CADM1: variants seen among roughly 807,000 people sequenced by gnomAD.
CADM1 encodes the protein cell adhesion molecule 1.
CADM1 carries 15 observed loss-of-function variants against 53.1 expected under a neutral mutation model. The ratio of observed to expected loss-of-function variants is 0.28; its 90% CI spans 0.19 to 0.44. The LOEUF is 0.44. CADM1 is among the 20% of genes least tolerant of loss of function. The pLI is 1.00. For missense variants in CADM1, 434 were observed against 611.3 expected (o/e 0.71, Z 3.06); for synonymous variants, 281 against 243.0 (o/e 1.16, Z -1.45).
intron 1 of CADM1, among the ~76,000 whole-genome samples, chr11:115,250,338 CT>C (rs1319764439): frequency 1.3e-5 from 2 of 152,120 alleles, no homozygotes; most frequent in Non-Finnish European, 2.9e-5. Context: ...ATATGATTTT[CT>C]CTTTGTTAAG....
At chr11:115,205,722 A>G (rs1245131527) in intron 8 of CADM1, among the ~76,000 whole-genome samples, 1 of 152,226 alleles carries the variant, frequency 6.6e-6, no homozygotes, top group Non-Finnish European at 1.5e-5. Context: ...TTGAAACAGA[A>G]ATATATGGTC....
chr11:115,202,689 A>G (rs1277604595), intron 8 of CADM1, among the ~76,000 whole-genome samples: 1 of 152,204 alleles, frequency 6.6e-6, no homozygotes, highest in Admixed American at 6.5e-5. Context: ...TTTCTTAACT[A>G]AAGTCAATAA....
At chr11:115,285,835 A>G (rs973962558) in intron 1 of CADM1, among the ~76,000 whole-genome samples, 48 of 152,154 alleles carry the variant, frequency 3.2e-4, no homozygotes, top group Non-Finnish European at 5.9e-5. Context: ...GCAGAGCTTG[A>G]ATCTTAGCAT....
chr11:115,173,827 G>A lies in CADM1; in HGVS notation c.*2647C>T, dbSNP rs757039769. The stretch of plus-strand genomic sequence containing the variant: ...ACTGGCCTAAAGGGAAAAATAAGAC[G>A]TCGGTGTGACTAAAGAACAAGCTTA... On this transcript the variant is annotated 3_prime_UTR_variant, in exon 12 of 12. Coordinates refer to ENST00000331581, the MANE Select transcript of CADM1 (RefSeq NM_001301043.2). The A allele has an allele frequency of 2.4e-4, 236 of 982,964 alleles. No individual in the cohort carries two copies. The highest frequency in any genetic ancestry group is 2.7e-4 in the Non-Finnish European group (225 of 828,070). The allele number at this position is 982,964 out of a possible 1,614,324, so 60.9% of individuals were successfully genotyped here.
intron 1 of CADM1, among the ~76,000 whole-genome samples, chr11:115,449,233 T>A (rs1163706174): frequency 1.3e-5 from 2 of 152,274 alleles, no homozygotes; most frequent in Middle Eastern, 3.4e-3. Flanking sequence ...GCGGTTTATA[T>A]CCCATGCCTT....
chr11:115,438,348 C>T (rs1206521909), intron 1 of CADM1, among the ~76,000 whole-genome samples: 1 of 151,882 alleles, frequency 6.6e-6, no homozygotes, highest in Non-Finnish European at 1.5e-5. Context: ...TTTCAGTAGC[C>T]TGGTGGCAGC....
intron 1 of CADM1, among the ~76,000 whole-genome samples, chr11:115,313,396 A>G (rs1034754780): frequency 2.6e-5 from 4 of 152,324 alleles, no homozygotes; most frequent in Admixed American, 2.6e-4. Flanking sequence ...AGTCCTTGAC[A>G]TTAACCAGAA....
intron 1 of CADM1, among the ~76,000 whole-genome samples, chr11:115,350,501 CT>C (rs1277289870): frequency 8.0e-5 from 10 of 124,724 alleles, no homozygotes; most frequent in East Asian, 4.1e-4. Context: ...TATGACCATT[CT>C]TTTTTTCTTT....
At chr11:115,311,075 T>G (rs1944520161) in intron 1 of CADM1, among the ~76,000 whole-genome samples, 1 of 152,174 alleles carries the variant, frequency 6.6e-6, no homozygotes, top group South Asian at 2.1e-4. Flanking sequence ...GAGAGAAAGA[T>G]TATCTTATTA....
chr11:115,195,453 G>A (rs560427945), intron 9 of CADM1, among the ~76,000 whole-genome samples: 2 of 152,170 alleles, frequency 1.3e-5, no homozygotes, highest in East Asian at 3.9e-4. Flanking sequence ...AATATAGAAG[G>A]AAATCCAGTA....
intron 1 of CADM1, among the ~76,000 whole-genome samples, chr11:115,390,670 T>TAA (rs750873925): frequency 8.1e-4 from 90 of 111,090 alleles, no homozygotes; most frequent in South Asian, 2.8e-3. Flanking sequence ...AGGCTACTCT[T>TAA]AAAAAAAAAA....
chr11:115,177,970 G>A (rs2134580433), intron 11 of CADM1, among the ~76,000 whole-genome samples: 1 of 152,222 alleles, frequency 6.6e-6, no homozygotes. Flanking sequence ...CAAAGAAAAG[G>A]AAGAATAAAT....
At chr11:115,368,361 G>T (rs1946226636) in intron 1 of CADM1, among the ~76,000 whole-genome samples, 1 of 152,042 alleles carries the variant, frequency 6.6e-6, no homozygotes, top group Non-Finnish European at 1.5e-5. Context: ...ACTTGTCGTT[G>T]TGAGGTCATG....
rs554619234 is a variant in CADM1 at position 115,319,612 on chromosome 11, C to T, written c.125-79192G>A. Among the ~76,000 whole-genome samples, 302 of 152,248 alleles carry T rather than the reference C, an allele frequency of 2.0e-3. 1 individual carries two copies. The highest frequency in any genetic ancestry group is 3.3e-3 in the Non-Finnish European group (226 of 68,018). ...ACTCCTAAAATAAACAGTCACACGG[C>T]TAATAAGTCACGTAGTCAGAAACTG... On this transcript the variant is annotated intron_variant, in intron 1 of 11. Coordinates refer to ENST00000331581, the MANE Select transcript of CADM1 (RefSeq NM_001301043.2).
At chr11:115,278,234 A>C (rs1943496377) in intron 1 of CADM1, among the ~76,000 whole-genome samples, 1 of 152,190 alleles carries the variant, frequency 6.6e-6, no homozygotes, top group Admixed American at 6.5e-5. Context: ...ATATGTAAAC[A>C]CTTCGAACAG....
chr11:115,412,748 TA>T (rs1374898892), intron 1 of CADM1, among the ~76,000 whole-genome samples: 1 of 152,184 alleles, frequency 6.6e-6, no homozygotes. Flanking sequence ...CATTTACCAT[TA>T]ATCTATCCTA....
chr11:115,286,318 ACACACTCACACC>A (rs1455200395), intron 1 of CADM1, among the ~76,000 whole-genome samples: 12 of 152,094 alleles, frequency 7.9e-5, no homozygotes, highest in Admixed American at 2.0e-4. Context: ...ATCAACACTC[ACACACTCACACC>A]CACACTCACA....
At chr11:115,349,602 A>G (rs1437382878) in intron 1 of CADM1, among the ~76,000 whole-genome samples, 2 of 152,228 alleles carry the variant, frequency 1.3e-5, no homozygotes, top group East Asian at 3.9e-4. Context: ...TAGCACTTTC[A>G]TTCCGAAGCC....
chr11:115,290,745 C>G (rs1386629456), intron 1 of CADM1, among the ~76,000 whole-genome samples: 3 of 152,006 alleles, frequency 2.0e-5, no homozygotes, highest in African/African-American at 7.3e-5. Flanking sequence ...GAACAGAAAA[C>G]AAGTGGAGAG....
Sources: allele counts gnomAD v4.1 joint callset (sites outside exome capture counted in the v4.1 genomes callset), GRCh38; gene constraint gnomAD v4.1.1; transcripts MANE v1.5; gene names NCBI Gene and HGNC (gene_info 2026-07-23, HGNC 2026-07-21).